ARHGAP27: variants seen among roughly 807,000 people sequenced by gnomAD.
The protein encoded by ARHGAP27 is Rho GTPase activating protein 27.
In ARHGAP27, 53 loss-of-function variants were observed where a neutral mutation model predicts 102.0. The observed-to-expected ratio is 0.52, with a 90% CI of 0.42 to 0.65. The LOEUF (loss-of-function observed/expected upper bound fraction) is 0.65. Among genes scored for constraint, ARHGAP27 ranks in the 30% least tolerant of loss-of-function variants. The probability of loss-of-function intolerance (pLI) is 0.00; values close to 1 mark genes in which losing one functional copy is unlikely to be tolerated. For missense variants in ARHGAP27, 1,117 were observed against 1,256.2 expected, an observed-to-expected ratio of 0.89 and a Z score of 1.68; for synonymous variants, 525 against 542.8, an observed-to-expected ratio of 0.97 and a Z score of 0.46.
In ARHGAP27 at chr17:45,430,234, G is replaced by A; in HGVS notation, c.46C>T (p.Pro16Ser). ...VGDVYVLVEH[P>S]FEYTGKDGRR... ...CCGTCCTTGCCGGTGTACTCGAAGG[G>A]GTGCTCCACCAGCACGTACACGTCC... Residue 16 changes from proline to serine, a missense_variant, in exon 4 of 20, where the codon CCC (proline) becomes TCC (serine). Transcript: ENST00000685559. The surrounding 1 kb of genome is among the most constrained non-coding windows in gnomAD (Gnocchi z 4.4). 6.3e-7 allele frequency: 1 copy of A among 1,575,626 alleles called. No homozygotes were observed. The highest frequency in any genetic ancestry group is 8.6e-7 in the Non-Finnish European group (1 of 1,169,094).
rs770658860 is a variant in ARHGAP27, at chr17:45,405,703, C to G, written c.1038G>C (p.Leu346=). ...PEEELEMQPG[L]SPGSPGDPRP... is the part of the protein sequence containing the mutation. ...GCGGGTCCCCTGGGCTGCCAGGGCT[C>G]AGGCCCGGCTGCATCTCCAACTCCT... Residue 346 remains leucine, a synonymous_variant, in exon 5 of 20, where the codon CTG becomes CTC. Coordinates refer to ENST00000685559, the MANE Select transcript of ARHGAP27 (RefSeq NM_001282290.2). 2 of 1,601,740 alleles carry G rather than the reference C, an allele frequency of 1.2e-6. No individual in the cohort carries two copies. Among genetic ancestry groups the G allele is most frequent in the Admixed American group, 1.7e-5 (1 of 59,720 alleles).
At chr17:45,422,653 C>T (rs1428912341) in intron 4 of ARHGAP27, among the ~76,000 whole-genome samples, 2 of 152,124 alleles carry the variant, frequency 1.3e-5, no homozygotes, top group African/African-American at 4.8e-5. Flanking sequence ...TCGAAATCTG[C>T]ATCCTCCTGA....
chr17:45,424,461 C>T (rs1256413372), intron 4 of ARHGAP27, among the ~76,000 whole-genome samples: 2 of 152,208 alleles, frequency 1.3e-5, no homozygotes, highest in African/African-American at 4.8e-5. Context: ...CAGCTACGCC[C>T]TGGTCACGAT....
At chr17:45,426,060 GCCTT>G (rs2049567814) in intron 4 of ARHGAP27, among the ~76,000 whole-genome samples, 1 of 152,136 alleles carries the variant, frequency 6.6e-6, no homozygotes, top group Non-Finnish European at 1.5e-5. Context: ...GCATGTGCCT[GCCTT>G]CAGCTTGTAC....
intron 4 of ARHGAP27, chr17:45,410,480 G>A (rs2047786820): frequency 2.3e-6 from 3 of 1,277,814 alleles, no homozygotes; most frequent in Middle Eastern, 2.8e-4. Context: ...GTGGGGTGGA[G>A]GGGCCTCAGG....
Position 45,404,084 on chromosome 17 carries a change from C to T in ARHGAP27, c.1492G>A (p.Asp498Asn), listed in dbSNP as rs751484626. 2 of 1,614,136 alleles carry T rather than the reference C, an allele frequency of 1.2e-6. No homozygotes were observed. Among genetic ancestry groups the T allele is most frequent in the Non-Finnish European group, 1.7e-6 (2 of 1,180,024 alleles). The change falls in exon 10 of 20, where the codon GAC becomes AAC. Residue 498 changes from aspartate (D) to asparagine (N), a missense_variant. Physicochemically the swap from Asp to Asn is conservative, Grantham distance 23. Coordinates refer to ENST00000685559, the MANE Select transcript of ARHGAP27 (RefSeq NM_001282290.2). ...GTGCGATGGAGCACCCCTGCCTTGT[C>T]CAAGGTCTTGGTCTAAGAGAGAGAA... ...ATAAVRTKTL[D>N]KAGVLHRTKT...
At chr17:45,402,415 G>T (rs2046547034) in intron 12 of ARHGAP27, among the ~76,000 whole-genome samples, 1 of 152,190 alleles carries the variant, frequency 6.6e-6, no homozygotes, top group Non-Finnish European at 1.5e-5. Context: ...GGTCCCCTGG[G>T]GCGGGGGTGC....
chr17:45,397,896 T>G, intron 13 of ARHGAP27, 53 bp downstream of exon 13: 1 of 1,508,654 alleles, frequency 6.6e-7, no homozygotes, highest in Non-Finnish European at 9.1e-7. Context: ...AGGGCCCCAC[T>G]CATAATGGCC....
chr17:45,421,385 G>A (rs144431370), intron 4 of ARHGAP27, among the ~76,000 whole-genome samples: 3,846 of 151,400 alleles, frequency 0.025, 153 homozygotes, highest in African/African-American at 0.089. Context: ...AGGAGACTGA[G>A]GTGGGAGGAT....
chr17:45,396,052 G>A lies in ARHGAP27; in HGVS notation c.2317C>T (p.Leu773Phe). The A allele has an allele frequency of 6.2e-7, 1 of 1,614,028 alleles. No individual in the cohort carries two copies. The highest frequency in any genetic ancestry group is 1.7e-4 in the Middle Eastern group (1 of 6,058). Residue 773 changes from leucine (L) to phenylalanine (F), a missense_variant, in exon 18 of 20, where the codon CTC becomes TTC. Around this residue, in one of 3 missense-constraint regions of ARHGAP27, gnomAD observed 493 missense variants for 505.5 expected, o/e 0.98. Coordinates refer to ENST00000685559, the MANE Select transcript of ARHGAP27 (RefSeq NM_001282290.2). ...DVHVITGALK[L>F]FFRELPEPLF... ...GGCTCGGGCAGCTCCCGAAAGAAGA[G>A]CTTCAGGGCTCCGGTGATAACGTGG...
intron 4 of ARHGAP27, among the ~76,000 whole-genome samples, chr17:45,423,817 G>A (rs1282592824): frequency 2.0e-5 from 3 of 152,210 alleles, no homozygotes; most frequent in Non-Finnish European, 4.4e-5. Context: ...ATGTCTCTAC[G>A]GGAACTGCCC....
chr17:45,410,482 G>T, intron 4 of ARHGAP27: 1 of 1,272,262 alleles, frequency 7.9e-7, no homozygotes, highest in Non-Finnish European at 1.0e-6. Context: ...GGGGTGGAGG[G>T]GCCTCAGGTT....
At position 45,396,782 on chromosome 17, in the gene ARHGAP27, C is replaced by T. The variant is rs373045289; in HGVS notation, c.1960G>A (p.Ala654Thr). The change falls in exon 15 of 20, where the codon GCC becomes ACC. Residue 654 changes from alanine (A) to threonine (T), a missense_variant. Physicochemically the swap from Ala to Thr is moderately conservative, Grantham distance 58. This residue lies in a region of ARHGAP27 where 493 missense variants were observed against 505.5 expected (regional missense o/e 0.98). Transcript: ENST00000685559. ...EDARPNAAAP[A>T]LGPVGLESDL... ...CTCTCCAGGCCCACGGGGCCCAGGG[C>T]GGGCGCGGCTGCCGCGGGGAAAGGC... 2.0e-5 allele frequency: 32 copies of T among 1,611,270 alleles called. No homozygotes were observed. Among genetic ancestry groups the T allele is most frequent in the Middle Eastern group, 1.6e-4 (1 of 6,066 alleles).
intron 4 of ARHGAP27, chr17:45,425,772 G>T: frequency 3.0e-6 from 1 of 333,748 alleles, no homozygotes; most frequent in Non-Finnish European, 4.3e-6. Flanking sequence ...GGGCGGGGAT[G>T]GTGACCGCAC....
Position 45,396,977 on chromosome 17 carries a change from G to A in ARHGAP27, c.1890C>T (p.Phe630=). The change falls in exon 14 of 20, where the codon TTC becomes TTT. Residue 630 remains phenylalanine, a synonymous_variant. Transcript: ENST00000685559. ...AGCTTCCCAAGCGCTCGCTCGACCC[G>A]AAGTCCACTCTGCTGCTCTCGCTCT... ...PEESESSRVD[F]GSSERLGSWQ... The A allele has an allele frequency of 6.2e-7, 1 of 1,605,324 alleles. No individual in the cohort carries two copies. Among genetic ancestry groups the A allele is most frequent in the Non-Finnish European group, 8.5e-7 (1 of 1,179,958 alleles).
intron 4 of ARHGAP27, among the ~76,000 whole-genome samples, chr17:45,416,222 A>ATT (rs1273473109): frequency 1.5e-5 from 2 of 135,508 alleles, no homozygotes; most frequent in South Asian, 2.3e-4. Flanking sequence ...ATTTTTTTGT[A>ATT]TTTTTTTTTT....
rs7214034 is a variant in ARHGAP27, at chr17:45,427,465, G to T, written c.657+2158C>A. Among the ~76,000 whole-genome samples, 727 of 152,358 alleles carry T rather than the reference G, an allele frequency of 4.8e-3. 5 individuals are homozygous for T. The highest frequency in any genetic ancestry group is 0.017 in the African/African-American group (690 of 41,586). ...CCGAAGGCTCACCAGGGCTTGGCAG[G>T]TATTCAGCTAGTTGATGCCTAATGA... is the stretch of plus-strand genomic sequence containing the variant. On this transcript the variant is annotated intron_variant, in intron 4 of 19. Coordinates refer to ENST00000685559, the MANE Select transcript of ARHGAP27 (RefSeq NM_001282290.2). This position sits in a 1 kb window ranked among gnomAD's most constrained non-coding sequence, Gnocchi z 4.5.
intron 4 of ARHGAP27, among the ~76,000 whole-genome samples, chr17:45,411,821 T>C (rs1251084544): frequency 1.5e-5 from 2 of 136,784 alleles, no homozygotes; most frequent in African/African-American, 5.4e-5. Flanking sequence ...ACACACACAC[T>C]ACACACGTGT....
chr17:45,405,939 G>A lies in ARHGAP27; in HGVS notation c.802C>T (p.Pro268Ser). Residue 268 changes from proline to serine, a missense_variant, in exon 5 of 20, where the codon CCA (proline) becomes TCA (serine). Transcript: ENST00000685559. ...TCCCAGGTGGTAACTCCCGTGTCTG[G>A]GTTGTAGTAGTAGGGGCGCCCGGTG... Reference protein sequence around the residue: ...AGTGRPYYYNPDTGVTTWESP... With the variant: ...AGTGRPYYYNSDTGVTTWESP... 1 of 1,535,948 alleles carries A rather than the reference G, an allele frequency of 6.5e-7. No individual in the cohort carries two copies. Among genetic ancestry groups the A allele is most frequent in the South Asian group, 1.2e-5 (1 of 84,048 alleles).
Sources: gnomAD v4.1 joint callset for allele counts (sites outside exome capture counted in the v4.1 genomes callset) on GRCh38, gnomAD v4.1.1 for gene constraint, gnomAD v4.1.1 regional missense constraint, Gnocchi (gnomAD v3.1) non-coding constraint, MANE v1.5 for transcripts, NCBI Gene and HGNC (gene_info 2026-07-23, HGNC 2026-07-21) for gene names.